Variants in ADGRV1 observed in about 807,000 individuals in gnomAD.
ADGRV1 encodes the protein G-protein coupled receptor 98.
In ADGRV1, 359 loss-of-function variants were observed where a neutral mutation model predicts 596.2. That is an observed-to-expected ratio of 0.60 (90% confidence interval 0.55 to 0.66). ADGRV1 has a LOEUF of 0.66. ADGRV1 is among the 30% of genes least tolerant of loss of function. The pLI, the probability that ADGRV1 is intolerant of heterozygous loss-of-function variation, is 0.00. For synonymous variants in ADGRV1, 2,681 were observed against 2,679.2 expected, an observed-to-expected ratio of 1.00 and a Z score of -0.02; for missense variants, 7,274 against 7,575.6, an observed-to-expected ratio of 0.96 and a Z score of 1.48.
At position 90,627,694 on chromosome 5, in the gene ADGRV1, A is replaced by G; in HGVS notation, c.1156A>G (p.Asn386Asp). The part of the protein sequence containing the change: ...PSVVQVTIKP[N>D]DKPYGVLSFN... ...TGTTGTACAAGTCACCATTAAGCCA[A>G]ATGATAAACCTTATGGAGTCCTTTC... Residue 386 changes from asparagine to aspartate, a missense_variant, in exon 7 of 90, where the codon AAT (asparagine) becomes GAT (aspartate). Around this residue, in one of 5 missense-constraint regions of ADGRV1, gnomAD observed 1,715 missense variants for 1,708.8 expected, o/e 1.00. Transcript: ENST00000405460. 1.9e-6 allele frequency: 3 copies of G among 1,613,038 alleles called. No individual in the cohort carries two copies. The highest frequency in any genetic ancestry group is 1.7e-4 in the Middle Eastern group (1 of 6,056).
At chr5:90,875,196 A>C (rs1315648284) in intron 83 of ADGRV1, among the ~76,000 whole-genome samples, 2 of 152,246 alleles carry the variant, frequency 1.3e-5, no homozygotes, top group African/African-American at 4.8e-5. Context: ...CTGAATTTAA[A>C]GCCAGAATTT....
At chr5:90,602,749 T>A (rs1437473090) in intron 1 of ADGRV1, among the ~76,000 whole-genome samples, 1 of 152,220 alleles carries the variant, frequency 6.6e-6, no homozygotes, top group South Asian at 2.1e-4. Context: ...AAAACTGGAA[T>A]AAAGTGTTGA....
chr5:90,935,426 C>G (rs920992153), intron 83 of ADGRV1, among the ~76,000 whole-genome samples: 1 of 152,194 alleles, frequency 6.6e-6, no homozygotes, highest in African/African-American at 2.4e-5. Context: ...TCAGTTCCAG[C>G]TTCCGCACCT....
At chr5:90,887,543 G>T (rs745849724) in intron 83 of ADGRV1, among the ~76,000 whole-genome samples, 1 of 152,104 alleles carries the variant, frequency 6.6e-6, no homozygotes, top group Non-Finnish European at 1.5e-5. Flanking sequence ...ATTTTCTGCT[G>T]CAGTGCCTGA....
intron 89 of ADGRV1, among the ~76,000 whole-genome samples, chr5:91,154,299 A>G (rs1284867194): frequency 1.3e-5 from 2 of 152,236 alleles, no homozygotes; most frequent in Non-Finnish European, 2.9e-5. Context: ...TGAAATATTT[A>G]TTCAGAAGTG....
At chr5:90,970,752 G>A (rs1351155868) in intron 84 of ADGRV1, among the ~76,000 whole-genome samples, 4 of 151,984 alleles carry the variant, frequency 2.6e-5, no homozygotes, top group African/African-American at 9.7e-5. Context: ...ACAAAGATGG[G>A]GAAAAAACAC....
At chr5:91,150,329 C>T in intron 88 of ADGRV1, 108 bp downstream of exon 88, 2 of 845,696 alleles carry the variant, frequency 2.4e-6, no homozygotes, top group Non-Finnish European at 3.4e-6. Flanking sequence ...GGCTCTCCAC[C>T]TCATAAAGAG....
intron 85 of ADGRV1, among the ~76,000 whole-genome samples, chr5:91,027,991 A>T (rs1784153762): frequency 6.6e-6 from 1 of 151,182 alleles, no homozygotes; most frequent in Non-Finnish European, 1.5e-5. Flanking sequence ...ATGCTGGAAG[A>T]CACAAGTGAC....
rs759367679 is a variant in ADGRV1 at position 90,683,604 on chromosome 5, A to G, written c.5683A>G (p.Thr1895Ala). The G allele has an allele frequency of 3.7e-6, 6 of 1,601,384 alleles. No individual in the cohort carries two copies. The South Asian group carries it at 5.5e-5, about 15-fold the overall frequency. The change falls in exon 28 of 90, where the codon ACT becomes GCT. Residue 1895 changes from threonine (T) to alanine (A), a missense_variant. Thr to Ala is a moderately conservative substitution (Grantham distance 58). Transcript: ENST00000405460. ...TTTGTAGGTTATAAGACATCATGGAACTCTGTCTCCAGTGACTTTGCATTG... is the reference window on the plus strand; with the variant it reads ...TTTGTAGGTTATAAGACATCATGGAGCTCTGTCTCCAGTGACTTTGCATTG... Reference protein sequence around the residue: ...VTLNVIRHHGTLSPVTLHWNI... With the variant: ...VTLNVIRHHGALSPVTLHWNI...
Position 90,908,162 on chromosome 5 carries a change from G to A in ADGRV1, c.17856+44305G>A, listed in dbSNP as rs915882310. ...CACCGTTTCAGGCCGGAATTTGCCA[G>A]TAAATTAATGTTACGATAATCCATA... On this transcript the variant is annotated intron_variant, in intron 83 of 89. Coordinates refer to ENST00000405460, the MANE Select transcript of ADGRV1 (RefSeq NM_032119.4). 7.2e-5 allele frequency among the ~76,000 whole-genome samples: 11 copies of A among 152,234 alleles called. No individual in the cohort carries two copies. The South Asian group carries it at 1.9e-3, about 26-fold the overall frequency.
chr5:91,087,347 G>A (rs543232053), intron 86 of ADGRV1, among the ~76,000 whole-genome samples: 44 of 152,236 alleles, frequency 2.9e-4, no homozygotes, highest in African/African-American at 1.0e-3. Flanking sequence ...CTGGAGTACA[G>A]TGCACTCGAC....
Position 90,840,810 on chromosome 5 carries a change from C to T in ADGRV1, c.16844C>T (p.Ala5615Val). The T allele has an allele frequency of 6.2e-7, 1 of 1,613,926 alleles. No individual in the cohort carries two copies. Among genetic ancestry groups the T allele is most frequent in the Non-Finnish European group, 8.5e-7 (1 of 1,179,846 alleles). Residue 5615 changes from alanine (A) to valine (V), a missense_variant, in exon 78 of 90, where the codon GCC (alanine) becomes GTC (valine). By Grantham distance (64) the Ala-to-Val change is moderately conservative (BLOSUM62 0). Coordinates refer to ENST00000405460, the MANE Select transcript of ADGRV1 (RefSeq NM_032119.4). ...AGAATTGATAAAGTGTATGGGACTG[C>T]CAACATCACTCTTGTCTCAGATGCA... ...GARIDKVYGTANITLVSDADS... is the reference protein window; with the variant it reads ...GARIDKVYGTVNITLVSDADS...
At chr5:91,084,319 A>G (rs1436006159) in intron 86 of ADGRV1, among the ~76,000 whole-genome samples, 1 of 152,198 alleles carries the variant, frequency 6.6e-6, no homozygotes, top group Non-Finnish European at 1.5e-5. Flanking sequence ...AAAATTTTGC[A>G]ATCCACCCAT....
intron 53 of ADGRV1, among the ~76,000 whole-genome samples, chr5:90,752,752 A>G (rs188712848): frequency 2.2e-4 from 33 of 152,368 alleles, no homozygotes; most frequent in Admixed American, 2.0e-3. Context: ...ATGCATATGT[A>G]TGTTCATTGC....
chr5:91,151,383 A>G (rs531498192), intron 88 of ADGRV1, among the ~76,000 whole-genome samples: 18 of 152,332 alleles, frequency 1.2e-4, no homozygotes, highest in Non-Finnish European at 1.5e-5. Context: ...TGGGGGTGAA[A>G]GAAATGAAGG....
At chr5:90,939,949 A>G (rs1776031295) in intron 83 of ADGRV1, among the ~76,000 whole-genome samples, 1 of 152,216 alleles carries the variant, frequency 6.6e-6, no homozygotes, top group Admixed American at 6.5e-5. Flanking sequence ...AGAGTTCTCC[A>G]TGTAAGAAGT....
At chr5:90,677,224 C>A (rs900916132) in intron 25 of ADGRV1, among the ~76,000 whole-genome samples, 1 of 152,024 alleles carries the variant, frequency 6.6e-6, no homozygotes, top group East Asian at 1.9e-4. Context: ...GACTGAGATA[C>A]GAAAATTGTC....
chr5:91,028,732 GTTTTTT>G (rs397998676), intron 85 of ADGRV1, among the ~76,000 whole-genome samples: 8 of 95,912 alleles, frequency 8.3e-5, no homozygotes, highest in Non-Finnish European at 1.1e-4. Context: ...ACTAGACTCT[GTTTTTT>G]TTTTTTTTTT....
At chr5:90,910,650 T>C (rs1581486111) in intron 83 of ADGRV1, among the ~76,000 whole-genome samples, 1 of 151,878 alleles carries the variant, frequency 6.6e-6, no homozygotes, top group Middle Eastern at 3.4e-3. Context: ...TAAACATATA[T>C]ATTATAGATA....
Sources: gnomAD v4.1 joint callset for allele counts (sites outside exome capture counted in the v4.1 genomes callset) on GRCh38, gnomAD v4.1.1 for gene constraint, gnomAD v4.1.1 regional missense constraint, MANE v1.5 for transcripts, NCBI Gene and HGNC (gene_info 2026-07-23, HGNC 2026-07-21) for gene names.